Variants in KCNN2 observed in about 807,000 individuals in gnomAD.
KCNN2 encodes the protein small conductance calcium-activated potassium channel protein 2.
Under a neutral mutation model 55.5 loss-of-function variants are expected in KCNN2, and 24 were observed. That is an observed-to-expected ratio of 0.43 (90% CI 0.31 to 0.61). KCNN2 has a LOEUF of 0.61. Among genes scored for constraint, KCNN2 ranks in the 20% least tolerant of loss-of-function variants. The probability of loss-of-function intolerance (pLI) is 0.08; values close to 1 mark genes in which losing one functional copy is unlikely to be tolerated. For synonymous variants in KCNN2, 431 were observed against 336.1 expected (o/e 1.28, Z -3.09); for missense variants, 754 against 853.6 (o/e 0.88, Z 1.45).
intron 2 of KCNN2, among the ~76,000 whole-genome samples, chr5:114,222,916 G>A (rs1430226067): frequency 6.6e-6 from 1 of 152,112 alleles, no homozygotes; most frequent in Non-Finnish European, 1.5e-5. Flanking sequence ...GCCACAGAAT[G>A]TATTTGTTTA....
At chr5:114,363,393 G>A (rs1757505235) in intron 1 of KCNN2, 132 bp downstream of exon 1, 6 of 1,152,610 alleles carry the variant, frequency 5.2e-6, no homozygotes, top group Admixed American at 2.9e-5. Flanking sequence ...CAGGACAGCG[G>A]GCGCGTCTAG....
chr5:114,075,609 C>G (rs1750669678), intron 1 of KCNN2, among the ~76,000 whole-genome samples: 2 of 152,218 alleles, frequency 1.3e-5, no homozygotes, highest in Non-Finnish European at 2.9e-5. Context: ...GCCACAAATC[C>G]TTCCCACCCT....
chr5:114,112,553 T>C (rs1285272240), intron 1 of KCNN2, among the ~76,000 whole-genome samples: 1 of 152,060 alleles, frequency 6.6e-6, no homozygotes, highest in Non-Finnish European at 1.5e-5. Context: ...AATTTTATTT[T>C]TTTCACCAAT....
At chr5:114,403,266 C>T (rs548621839) in intron 2 of KCNN2, among the ~76,000 whole-genome samples, 124 of 152,032 alleles carry the variant, frequency 8.2e-4, no homozygotes, top group African/African-American at 2.8e-3. Context: ...TGCACACTGC[C>T]GGGTCATTCA....
intron 1 of KCNN2, among the ~76,000 whole-genome samples, chr5:114,125,590 C>T (rs1446928915): frequency 6.6e-6 from 1 of 152,118 alleles, no homozygotes; most frequent in African/African-American, 2.4e-5. Context: ...TCAAGGCGTC[C>T]ACAGGGTCAT....
At chr5:114,149,640 G>A (rs1487975294) in intron 1 of KCNN2, among the ~76,000 whole-genome samples, 1 of 152,190 alleles carries the variant, frequency 6.6e-6, no homozygotes, top group Non-Finnish European at 1.5e-5. Flanking sequence ...ACATCTGTAT[G>A]CAGAAGTACA....
chr5:114,315,451 GTGTGTGTGTGTGTGTATA>G lies in KCNN2; in HGVS notation c.-184-45492_-184-45475del, dbSNP rs1302961447. 4.6e-4 allele frequency among the ~76,000 whole-genome samples: 50 copies of G among 108,000 alleles called. 1 individual carries two copies. Among genetic ancestry groups the G allele is most frequent in the South Asian group, 1.8e-3 (5 of 2,770 alleles). 70.9% of individuals were successfully genotyped at this position (108,000 alleles called of 152,430 possible). On this transcript the variant is annotated intron_variant, in intron 2 of 10. Transcript: ENST00000512097. ...TGTGTGTGTGTGTGTGTGTGTGTGTGTGTGTGTGTGTGTGTATATATATATAAAACTTCTGTTTTAAAA... is the reference window on the plus strand; with the variant it reads ...TGTGTGTGTGTGTGTGTGTGTGTGTGTATATATAAAACTTCTGTTTTAAAA...
intron 2 of KCNN2, among the ~76,000 whole-genome samples, chr5:114,292,029 G>C (rs1480773336): frequency 6.7e-6 from 1 of 149,282 alleles, no homozygotes; most frequent in Non-Finnish European, 1.5e-5. Context: ...CCCACTTTTT[G>C]ATGGGGTTGT....
chr5:114,444,514 G>T (rs1324283477), intron 3 of KCNN2, among the ~76,000 whole-genome samples: 3 of 152,082 alleles, frequency 2.0e-5, no homozygotes, highest in African/African-American at 7.2e-5. Flanking sequence ...ATTAAGATTG[G>T]AGTGGCAAGC....
chr5:114,382,556 G>T (rs1037979504), intron 2 of KCNN2, among the ~76,000 whole-genome samples: 2 of 152,170 alleles, frequency 1.3e-5, no homozygotes, highest in African/African-American at 2.4e-5. Context: ...AAGTAACTCT[G>T]CTTTGAAGCA....
Position 114,495,980 on chromosome 5 carries a change from AACTAGAGACT to A in KCNN2, c.2175_2184del (p.Lys725AsnfsTer2). On this transcript the variant is annotated frameshift_variant, in exon 8 of 8. Coordinates refer to ENST00000673685, the MANE Select transcript of KCNN2 (RefSeq NM_021614.4). LOFTEE classifies it high-confidence loss of function. ...AAGAGGATTGTTACCCTGGAAACAA[AACTAGAGACT>A]TTGATTGGTAGCATCCACGCCCTCC... 1 of 1,614,072 alleles carries A rather than the reference AACTAGAGACT, an allele frequency of 6.2e-7. No homozygotes were observed.
At chr5:114,468,502 T>C (rs530518145) in intron 4 of KCNN2, among the ~76,000 whole-genome samples, 4 of 152,312 alleles carry the variant, frequency 2.6e-5, no homozygotes, top group Non-Finnish European at 5.9e-5. Context: ...TGATTTTTTT[T>C]CAAGTTAACT....
chr5:114,125,463 C>A (rs1561485913), intron 1 of KCNN2, among the ~76,000 whole-genome samples: 1 of 152,068 alleles, frequency 6.6e-6, no homozygotes, highest in African/African-American at 2.4e-5. Flanking sequence ...AGTGTTGCTC[C>A]CATGTATATT....
At chr5:114,202,604 C>T (rs746590046) in intron 1 of KCNN2, among the ~76,000 whole-genome samples, 9 of 48,396 alleles carry the variant, frequency 1.9e-4, no homozygotes, top group East Asian at 7.9e-4. Flanking sequence ...TTTTTTTTCC[C>T]GAGACAGAGT....
intron 2 of KCNN2, among the ~76,000 whole-genome samples, chr5:114,302,976 T>C (rs1007350896): frequency 3.9e-5 from 6 of 152,178 alleles, no homozygotes; most frequent in Admixed American, 1.3e-4. Context: ...GACAGGAATA[T>C]GCAGGCAGAT....
intron 1 of KCNN2, among the ~76,000 whole-genome samples, chr5:114,084,449 T>C (rs35121700): frequency 0.094 from 14,341 of 152,142 alleles, 766 homozygotes; most frequent in Middle Eastern, 0.19. Context: ...CAAGTGCTTA[T>C]TTGCCATCTG....
At chr5:114,159,212 AG>A (rs879371410) in intron 1 of KCNN2, among the ~76,000 whole-genome samples, 6 of 152,272 alleles carry the variant, frequency 3.9e-5, no homozygotes, top group African/African-American at 4.8e-5. Context: ...TTTAGCATGA[AG>A]GGTTGTTGAA....
rs186615098 is a variant in KCNN2 at position 114,182,231 on chromosome 5, A to G, written c.-270-39249A>G. Reference sequence around the variant, plus strand: ...CTAGTAGAAACTTCTGAGTTTCTCTACTTCTTTGTTTCATTGATCTAGTTG... The same window carrying G: ...CTAGTAGAAACTTCTGAGTTTCTCTGCTTCTTTGTTTCATTGATCTAGTTG... On this transcript the variant is annotated intron_variant, in intron 1 of 10. Transcript: ENST00000512097. Among the ~76,000 whole-genome samples the G allele has an allele frequency of 1.4e-3, 206 of 151,830 alleles. 4 individuals carry two copies. The South Asian group carries it at 0.032, about 24-fold the overall frequency.
chr5:114,294,099 C>G (rs1039639934), intron 2 of KCNN2, among the ~76,000 whole-genome samples: 1 of 151,814 alleles, frequency 6.6e-6, no homozygotes, highest in Non-Finnish European at 1.5e-5. Context: ...CTTTATTAGT[C>G]TTGCTAGCGG....
Sources: gnomAD v4.1 joint callset for allele counts (sites outside exome capture counted in the v4.1 genomes callset) on GRCh38, gnomAD v4.1.1 for gene constraint, MANE v1.5 for transcripts, NCBI Gene and HGNC (gene_info 2026-07-23, HGNC 2026-07-21) for gene names.